SLC12A7: variants seen among roughly 807,000 people sequenced by gnomAD.
SLC12A7 encodes K-Cl cotransporter 4.
Under a neutral mutation model 120.6 loss-of-function variants are expected in SLC12A7, and 100 were observed. The observed-to-expected ratio is 0.83, with a 90% CI of 0.71 to 0.98. SLC12A7 has a LOEUF of 0.98. Ranked by LOEUF, SLC12A7 falls within the 50% of genes least tolerant of loss-of-function variation. SLC12A7 has a pLI of 0.00. For synonymous variants in SLC12A7, 760 were observed against 678.0 expected (o/e 1.12, Z -1.88); for missense variants, 1,373 against 1,548.1 (o/e 0.89, Z 1.90).
intron 12 of SLC12A7, 83 bp from the exon 13 acceptor site, chr5:1,076,895 G>T: frequency 2.1e-6 from 2 of 942,282 alleles, no homozygotes; most frequent in Non-Finnish European, 3.4e-6. Flanking sequence ...GTCTAGCCCA[G>T]ATGAATCTTA....
intron 3 of SLC12A7, among the ~76,000 whole-genome samples, chr5:1,090,653 C>A (rs1195384074): frequency 6.6e-6 from 1 of 152,194 alleles, no homozygotes; most frequent in Non-Finnish European, 1.5e-5. Context: ...CAGGAGCCGA[C>A]AGGCAGAGCT....
intron 1 of SLC12A7, among the ~76,000 whole-genome samples, chr5:1,111,438 G>A (rs1742998347): frequency 6.6e-6 from 1 of 152,102 alleles, no homozygotes; most frequent in South Asian, 2.1e-4. Flanking sequence ...CCGGGCTAGT[G>A]TTACCGGACG....
intron 22 of SLC12A7, chr5:1,056,648 C>T: frequency 1.1e-6 from 1 of 941,092 alleles, no homozygotes; most frequent in Non-Finnish European, 1.3e-6. Context: ...GAGAGAGCAC[C>T]AGGCTGTTCC....
intron 11 of SLC12A7, 47 bp downstream of exon 11, chr5:1,078,654 C>T: frequency 6.7e-7 from 1 of 1,496,868 alleles, no homozygotes; most frequent in Non-Finnish European, 9.3e-7. Flanking sequence ...TCAGGAAAAC[C>T]CTTGAAGACT....
chr5:1,081,837 G>A (rs1739161274), intron 8 of SLC12A7, 93 bp from the exon 9 acceptor site: 1 of 1,457,684 alleles, frequency 6.9e-7, no homozygotes, highest in African/African-American at 1.4e-5. Context: ...TGCCACTGGT[G>A]GCCGGAGGGG....
Position 1,063,983 on chromosome 5 carries a change from C to T in SLC12A7, c.2608-8G>A. The T allele has an allele frequency of 6.2e-7, 1 of 1,611,724 alleles. No individual in the cohort carries two copies. The highest frequency in any genetic ancestry group is 8.5e-7 in the Non-Finnish European group (1 of 1,179,332). ...CCGGCACTTCCTCCACACCTGCAGACAGGGAGGGCATGGCTGTGGGGCCTC... is the reference window on the plus strand; with the variant it reads ...CCGGCACTTCCTCCACACCTGCAGATAGGGAGGGCATGGCTGTGGGGCCTC... On this transcript the variant is annotated splice_region_variant and splice_polypyrimidine_tract_variant and intron_variant, in intron 19 of 23. Transcript: ENST00000264930.
At chr5:1,067,325 G>A (rs541629263) in intron 17 of SLC12A7, among the ~76,000 whole-genome samples, 23 of 152,348 alleles carry the variant, frequency 1.5e-4, no homozygotes, top group African/African-American at 4.8e-4. Context: ...CGGACGCTGC[G>A]GGGTGGACAC....
Position 1,075,411 on chromosome 5 carries a change from G to A in SLC12A7, c.1927C>T (p.Leu643Phe). ...CSWYYALSAM[L>F]IAGCIYKYIE... ...TACTTGTAGATGCAGCCAGCGATGA[G>A]CATGGCGGACAGCGCGTAGTACCAG... Residue 643 changes from leucine to phenylalanine, a missense_variant, in exon 15 of 24, where the codon CTC becomes TTC. By Grantham distance (22) the Leu-to-Phe change is conservative (BLOSUM62 0). Transcript: ENST00000264930. 6.2e-7 allele frequency: 1 copy of A among 1,612,488 alleles called. No homozygotes were observed. Among genetic ancestry groups the A allele is most frequent in the Non-Finnish European group, 8.5e-7 (1 of 1,179,594 alleles).
At chr5:1,155,195 T>A in the SLC12A7 span, among the ~76,000 whole-genome samples, 1 of 150,434 alleles carries the variant, frequency 6.6e-6, no homozygotes, top group Non-Finnish European at 1.5e-5. Context: ...GAACCCCCAC[T>A]GCTTCCCAGA....
the SLC12A7 span, among the ~76,000 whole-genome samples, chr5:1,139,189 C>T: frequency 3.3e-5 from 5 of 152,352 alleles, no homozygotes; most frequent in South Asian, 1.0e-3. Flanking sequence ...CCTCATGGTC[C>T]GTAGGCAAGA....
chr5:1,152,121 C>A, the SLC12A7 span, among the ~76,000 whole-genome samples: 1 of 152,124 alleles, frequency 6.6e-6, no homozygotes, highest in African/African-American at 2.4e-5. Context: ...CTCCCCTCCC[C>A]TCCCCTCTCC....
At chr5:1,076,051 C>T (rs527500899) in intron 14 of SLC12A7, 87 bp downstream of exon 14, 48 of 1,138,632 alleles carry the variant, frequency 4.2e-5, no homozygotes, top group African/African-American at 2.7e-4. Flanking sequence ...GGGCTCCTGA[C>T]GCCTGTGCTG....
chr5:1,109,773 A>C (rs1167139869), intron 1 of SLC12A7, among the ~76,000 whole-genome samples: 2 of 152,264 alleles, frequency 1.3e-5, no homozygotes, highest in Non-Finnish European at 2.9e-5. Context: ...GCCTAGGATC[A>C]GCCCACCAGG....
the SLC12A7 span, among the ~76,000 whole-genome samples, chr5:1,149,134 G>A: frequency 0.46 from 26,539 of 58,014 alleles, 2,673 homozygotes; most frequent in East Asian, 0.6. Flanking sequence ...CTACGATGCC[G>A]CACCCAGAAG....
chr5:1,060,634 C>T (rs537291353), intron 20 of SLC12A7, among the ~76,000 whole-genome samples, 183 bp from the exon 21 acceptor site: 41 of 152,312 alleles, frequency 2.7e-4, no homozygotes, highest in Admixed American at 2.4e-3. Context: ...TGTGAGCGCA[C>T]GATGGGCAGT....
intron 17 of SLC12A7, among the ~76,000 whole-genome samples, chr5:1,069,413 G>C (rs1189285424): frequency 6.6e-6 from 1 of 152,218 alleles, no homozygotes; most frequent in Non-Finnish European, 1.5e-5. Flanking sequence ...AGGCGGTGGG[G>C]GGCGGCTGCA....
chr5:1,148,788 A>G, the SLC12A7 span, among the ~76,000 whole-genome samples: 3 of 152,170 alleles, frequency 2.0e-5, no homozygotes, highest in Non-Finnish European at 2.9e-5. Flanking sequence ...TCCTTTGTAC[A>G]CTGACCAGGT....
Position 1,075,532 on chromosome 5 carries a change from C to T in SLC12A7, c.1848-42G>A, listed in dbSNP as rs928801979. The T allele has an allele frequency of 3.2e-6, 5 of 1,583,914 alleles. No homozygotes were observed. The African/African-American group carries it at 4.0e-5, about 13-fold the overall frequency. Reference sequence around the variant, plus strand: ...TGGCTCGGGGCGGCCCAACGCCATGCAGCCCCCACACCTCAGCCACCACCA... The same window carrying T: ...TGGCTCGGGGCGGCCCAACGCCATGTAGCCCCCACACCTCAGCCACCACCA... On this transcript the variant is annotated intron_variant, in intron 14 of 23. Transcript: ENST00000264930.
Position 1,088,174 on chromosome 5 carries a change from C to A in SLC12A7, c.544+132G>T, listed in dbSNP as rs1013444195. 8.7e-6 allele frequency: 7 copies of A among 808,470 alleles called. No individual in the cohort carries two copies. The African/African-American group carries it at 8.7e-5, about 10-fold the overall frequency. The allele number at this position is 808,470 out of a possible 1,614,324, so 50.1% of individuals were successfully genotyped here. A position where few individuals can be genotyped will look rare whatever the true frequency, so the allele number is the denominator to read the frequency against. ...GCCAGAGGAGCCAGTGGAGAACACG[C>A]AGAAGGCCCGGCTGAGACCCCCAGG... is the stretch of plus-strand genomic sequence containing the variant. On this transcript the variant is annotated intron_variant, in intron 5 of 23. Coordinates refer to ENST00000264930, the MANE Select transcript of SLC12A7 (RefSeq NM_006598.3).
Sources: gnomAD v4.1 joint callset for allele counts (sites outside exome capture counted in the v4.1 genomes callset) on GRCh38, gnomAD v4.1.1 for gene constraint, MANE v1.5 for transcripts, NCBI Gene and HGNC (gene_info 2026-07-23, HGNC 2026-07-21) for gene names.